ANKRD23: variants seen among roughly 807,000 people sequenced by gnomAD.
ANKRD23 encodes ankyrin repeat domain 23.
ANKRD23 carries 52 observed loss-of-function variants against 38.1 expected under a neutral mutation model. The observed-to-expected ratio is 1.36, with a 90% CI of 1.09 to 1.72. The LOEUF (loss-of-function observed/expected upper bound fraction) is 1.72, where lower values mean the gene tolerates loss of function less well. Ranked by LOEUF, ANKRD23 falls within the 40% of genes most tolerant of loss-of-function variation. The probability of loss-of-function intolerance (pLI) is 0.00; values close to 1 mark genes in which losing one functional copy is unlikely to be tolerated. For synonymous variants in ANKRD23, 167 were observed against 162.9 expected, an observed-to-expected ratio of 1.03 and a Z score of -0.19; for missense variants, 416 against 400.2, an observed-to-expected ratio of 1.04 and a Z score of -0.34.
At position 96,838,710 on chromosome 2, in the gene ANKRD23, C is replaced by T; in HGVS notation, c.*839G>A. 3.0e-6 allele frequency: 3 copies of T among 985,656 alleles called. No individual in the cohort carries two copies. Among genetic ancestry groups the T allele is most frequent in the Non-Finnish European group, 3.6e-6 (3 of 830,090 alleles). The allele number at this position is 985,656 out of a possible 1,614,324, so 61.1% of individuals were successfully genotyped here. On this transcript the variant is annotated 3_prime_UTR_variant, in exon 9 of 9. Transcript: ENST00000318357. ...TGGGCCACAAGCAATCCCCAGTGCC[C>T]AGGCGCTTCCCCATGAGAGCCGCCA...
chr2:96,840,905 G>A lies in ANKRD23; in HGVS notation c.308C>T (p.Ser103Phe), dbSNP rs200734536. ...RKPEPLVKPQ[S>F]QAQVEPVGLE... ...GCCCACAGGCTCCACCTGGGCCTGG[G>A]ACTGCGGCTGGTTCAGTTGAAGACA... is the stretch of plus-strand genomic sequence containing the variant. The change falls in exon 4 of 9, where the codon TCC becomes TTC. Residue 103 changes from serine to phenylalanine, a missense_variant. Physicochemically the swap from Ser to Phe is radical, Grantham distance 155. Coordinates refer to ENST00000318357, the MANE Select transcript of ANKRD23 (RefSeq NM_144994.8). 1.2e-6 allele frequency: 2 copies of A among 1,613,936 alleles called. No homozygotes were observed. Among genetic ancestry groups the A allele is most frequent in the East Asian group, 4.5e-5 (2 of 44,882 alleles).
At chr2:96,840,138 G>A (rs781421350) in intron 6 of ANKRD23, 43 bp from the exon 7 acceptor site, 2 of 1,548,950 alleles carry the variant, frequency 1.3e-6, no homozygotes, top group Non-Finnish European at 1.7e-6. Context: ...GATTGGTGAG[G>A]CCTCCCTAAC....
At position 96,840,222 on chromosome 2, in the gene ANKRD23, T is replaced by G; in HGVS notation, c.624+10A>C. On this transcript the variant is annotated intron_variant, in intron 6 of 8. Coordinates refer to ENST00000318357, the MANE Select transcript of ANKRD23 (RefSeq NM_144994.8). ...TTCCCGACAGGCCCCCAAAGCACCG[T>G]GCCCCTCACCTTGTCCCGGGCATTG... 1 of 1,607,928 alleles carries G rather than the reference T, an allele frequency of 6.2e-7. No individual in the cohort carries two copies. Among genetic ancestry groups the G allele is most frequent in the Non-Finnish European group, 8.5e-7 (1 of 1,176,856 alleles).
chr2:96,838,494 C>T lies in ANKRD23; in HGVS notation c.*1055G>A. 1.0e-6 allele frequency: 1 copy of T among 986,250 alleles called. No individual in the cohort carries two copies. The highest frequency in any genetic ancestry group is 1.2e-6 in the Non-Finnish European group (1 of 830,204). The allele number at this position is 986,250 out of a possible 1,614,324, so 61.1% of individuals were successfully genotyped here. A position where few individuals can be genotyped will look rare whatever the true frequency, so the allele number is the denominator to read the frequency against. On this transcript the variant is annotated 3_prime_UTR_variant, in exon 9 of 9. Coordinates refer to ENST00000318357, the MANE Select transcript of ANKRD23 (RefSeq NM_144994.8). ...GGGAAGGGCTGGGGGGCGGCGGGGG[C>T]TCACCTTCCTCTGCTTCCCTGTGGG...
At chr2:96,841,255 CTT>C (rs1205360528) in intron 3 of ANKRD23, 1 of 228,074 alleles carries the variant, frequency 4.4e-6, no homozygotes, top group South Asian at 6.8e-5. Flanking sequence ...ACCAATATGA[CTT>C]GTGTTAAAGT....
At position 96,838,722 on chromosome 2, in the gene ANKRD23, C is replaced by T. The variant is rs2079721185; in HGVS notation, c.*827G>A. The T allele has an allele frequency of 1.0e-6, 1 of 985,518 alleles. No individual in the cohort carries two copies. Among genetic ancestry groups the T allele is most frequent in the South Asian group, 4.7e-5 (1 of 21,298 alleles). 61.0% of individuals were successfully genotyped at this position (985,518 alleles called of 1,614,324 possible). On this transcript the variant is annotated 3_prime_UTR_variant, in exon 9 of 9. Transcript: ENST00000318357. ...AATCCCCAGTGCCCAGGCGCTTCCC[C>T]ATGAGAGCCGCCAGCAGGCAACGGT...
In ANKRD23 at chr2:96,842,424, C is replaced by T; in HGVS notation, c.115G>A (p.Gly39Ser). The stretch of plus-strand genomic sequence containing the variant: ...TCCCGGGCCACAGCCTCTTGGGGGC[C>T]CCTCCTCCAGTCACTAGGCCAGGCT... Reference protein sequence around the residue: ...PGAWPSDWRRGPQEAVAREKL... With the variant: ...PGAWPSDWRRSPQEAVAREKL... Residue 39 changes from glycine to serine, a missense_variant, in exon 2 of 9, where the codon GGC becomes AGC. Coordinates refer to ENST00000318357, the MANE Select transcript of ANKRD23 (RefSeq NM_144994.8). 1 of 1,613,936 alleles carries T rather than the reference C, an allele frequency of 6.2e-7. No homozygotes were observed. Among genetic ancestry groups the T allele is most frequent in the Non-Finnish European group, 8.5e-7 (1 of 1,180,006 alleles).
intron 7 of ANKRD23, 62 bp downstream of exon 7, chr2:96,839,935 G>A: frequency 6.5e-7 from 1 of 1,548,706 alleles, no homozygotes; most frequent in Non-Finnish European, 8.7e-7. Context: ...CCTGGCTGGG[G>A]CTCCTCAGTC....
At position 96,838,813 on chromosome 2, in the gene ANKRD23, C is replaced by T. The variant is rs1182139664; in HGVS notation, c.*736G>A. The T allele has an allele frequency of 2.0e-6, 2 of 985,576 alleles. No homozygotes were observed. Among genetic ancestry groups the T allele is most frequent in the Non-Finnish European group, 2.4e-6 (2 of 830,014 alleles). 61.1% of individuals were successfully genotyped at this position (985,576 alleles called of 1,614,324 possible). ...CGAGGCTTCTCTCAAATGCGCGCTC[C>T]AGCTCATCAGTCTTAGGGCTTCTGA... On this transcript the variant is annotated 3_prime_UTR_variant, in exon 9 of 9. Coordinates refer to ENST00000318357, the MANE Select transcript of ANKRD23 (RefSeq NM_144994.8).
In ANKRD23 at chr2:96,838,800, C is replaced by G. The variant is rs996370766; in HGVS notation, c.*749G>C. 9.1e-6 allele frequency: 9 copies of G among 985,558 alleles called. No homozygotes were observed. In the South Asian group the frequency reaches 3.3e-4, roughly 36 times the overall value. 61.1% of individuals were successfully genotyped at this position (985,558 alleles called of 1,614,324 possible). ...TACACAGTGGGTGCGAGGCTTCTCTCAAATGCGCGCTCCAGCTCATCAGTC... is the reference window on the plus strand; with the variant it reads ...TACACAGTGGGTGCGAGGCTTCTCTGAAATGCGCGCTCCAGCTCATCAGTC... On this transcript the variant is annotated 3_prime_UTR_variant, in exon 9 of 9. Coordinates refer to ENST00000318357, the MANE Select transcript of ANKRD23 (RefSeq NM_144994.8).
chr2:96,838,317 G>A lies in ANKRD23; in HGVS notation c.*1232C>T. ...CTCAGCATGTGGTTCTCAGTTTAGG[G>A]CAGAGCTTCTTAAGATTCACTTTCT... is the stretch of plus-strand genomic sequence containing the variant. On this transcript the variant is annotated 3_prime_UTR_variant, in exon 9 of 9. Coordinates refer to ENST00000318357, the MANE Select transcript of ANKRD23 (RefSeq NM_144994.8). The A allele has an allele frequency of 1.0e-5, 10 of 975,750 alleles. No individual in the cohort carries two copies. Among genetic ancestry groups the A allele is most frequent in the Non-Finnish European group, 1.2e-5 (10 of 819,008 alleles). 60.4% of individuals were successfully genotyped at this position (975,750 alleles called of 1,614,324 possible).
Position 96,843,954 on chromosome 2 carries a change from C to G in ANKRD23, c.27+12G>C, listed in dbSNP as rs574635171. 10 of 1,607,324 alleles carry G rather than the reference C, an allele frequency of 6.2e-6. No individual in the cohort carries two copies. The South Asian group carries it at 1.0e-4, about 16-fold the overall frequency. On this transcript the variant is annotated intron_variant, in intron 1 of 8. Transcript: ENST00000318357. ...TCCCAGGGTGCCTCCCACCTCCGTCCCACATCCTTACCAACTGCTGAATGC... is the reference window on the plus strand; with the variant it reads ...TCCCAGGGTGCCTCCCACCTCCGTCGCACATCCTTACCAACTGCTGAATGC...
intron 3 of ANKRD23, chr2:96,841,262 T>C: frequency 4.5e-6 from 1 of 223,458 alleles, no homozygotes; most frequent in Non-Finnish European, 8.9e-6. Flanking sequence ...TGACTTGTGT[T>C]AAAGTGGGCT....
At position 96,839,717 on chromosome 2, in the gene ANKRD23, CCA is replaced by C. The variant is rs769105015; in HGVS notation, c.822+8_822+9del. ...CTCGGGTCAGGAGCCAGGGCTGCGC[CCA>C]CACTCACCGCGTTCCGCACCCCCAG... On this transcript the variant is annotated splice_region_variant and intron_variant, in intron 8 of 8. Coordinates refer to ENST00000318357, the MANE Select transcript of ANKRD23 (RefSeq NM_144994.8). The C allele has an allele frequency of 3.7e-6, 6 of 1,612,322 alleles. No individual in the cohort carries two copies. The highest frequency in any genetic ancestry group is 4.5e-5 in the East Asian group (2 of 44,864).
chr2:96,839,745 C>T lies in ANKRD23; in HGVS notation c.804G>A (p.Glu268=). Residue 268 remains glutamate (E), a synonymous_variant, in exon 8 of 9, where the codon GAG becomes GAA. Coordinates refer to ENST00000318357, the MANE Select transcript of ANKRD23 (RefSeq NM_144994.8). The part of the protein sequence containing the change: ...AMKLLLLYGA[E]LGVRNAASVT... ...CACTCACCGCGTTCCGCACCCCCAG[C>T]TCGGCCCCATAGAGCAGCAGTAGCT... 1.2e-6 allele frequency: 2 copies of T among 1,613,308 alleles called. No homozygotes were observed. Among genetic ancestry groups the T allele is most frequent in the Non-Finnish European group, 1.7e-6 (2 of 1,179,930 alleles).
rs1306891671 is a variant in ANKRD23 at position 96,838,333 on chromosome 2, T to G, written c.*1216A>C. The G allele has an allele frequency of 1.0e-5, 10 of 985,164 alleles. No individual in the cohort carries two copies. The Admixed American group carries it at 6.1e-4, about 61-fold the overall frequency. 61.0% of individuals were successfully genotyped at this position (985,164 alleles called of 1,614,324 possible). ...CAGTTTAGGGCAGAGCTTCTTAAGA[T>G]TCACTTTCTGGCGTTTAGGGGCCCA... On this transcript the variant is annotated 3_prime_UTR_variant, in exon 9 of 9. Coordinates refer to ENST00000318357, the MANE Select transcript of ANKRD23 (RefSeq NM_144994.8).
rs1474553379 is a variant in ANKRD23 at position 96,839,007 on chromosome 2, G to C, written c.*542C>G. On this transcript the variant is annotated 3_prime_UTR_variant, in exon 9 of 9. Transcript: ENST00000318357. ...GACAGGAATGGGGTCCCCAGAGAAAGCCATGCCCACAGGCATCCACCAGCT... is the reference window on the plus strand; with the variant it reads ...GACAGGAATGGGGTCCCCAGAGAAACCCATGCCCACAGGCATCCACCAGCT... 1.0e-6 allele frequency: 1 copy of C among 985,806 alleles called. No individual in the cohort carries two copies. Among genetic ancestry groups the C allele is most frequent in the African/African-American group, 1.7e-5 (1 of 57,262 alleles). The allele number at this position is 985,806 out of a possible 1,614,324, so 61.1% of individuals were successfully genotyped here.
rs1180600185 is a variant in ANKRD23, at chr2:96,842,507, C to G, written c.32G>C (p.Ser11Thr). 6.2e-7 allele frequency: 1 copy of G among 1,613,234 alleles called. No individual in the cohort carries two copies. Among genetic ancestry groups the G allele is most frequent in the East Asian group, 2.2e-5 (1 of 44,886 alleles). The change falls in exon 2 of 9, where the codon AGT becomes ACT. Residue 11 changes from serine to threonine, a missense_variant. By Grantham distance (58) the Ser-to-Thr change is moderately conservative (BLOSUM62 1). Transcript: ENST00000318357. MDFISIQQLV[S>T]GERVEGKVLG... ...CACTTTCCCTTCAACTCTTTCTCCA[C>G]TTACCTGTAGGAACAGGATATGAGT...
chr2:96,840,486 C>T lies in ANKRD23; in HGVS notation c.455G>A (p.Cys152Tyr). Residue 152 changes from cysteine to tyrosine, a missense_variant, in exon 5 of 9, where the codon TGT (cysteine) becomes TAT (tyrosine). Physicochemically the swap from Cys to Tyr is radical, Grantham distance 194 (BLOSUM62 -2). Coordinates refer to ENST00000318357, the MANE Select transcript of ANKRD23 (RefSeq NM_144994.8). ...KLHRTALHWA[C>Y]LKGHSQLVNK... ...CACCAGCTGGCTGTGACCCTTCAGA[C>T]AGGCCCAGTGCAAGGCGGTGCGGTG... 6.2e-7 allele frequency: 1 copy of T among 1,614,034 alleles called. No homozygotes were observed. Among genetic ancestry groups the T allele is most frequent in the African/African-American group, 1.3e-5 (1 of 75,058 alleles).
Sources: gnomAD v4.1 joint callset for allele counts on GRCh38, gnomAD v4.1.1 for gene constraint, MANE v1.5 for transcripts, NCBI Gene and HGNC (gene_info 2026-07-23, HGNC 2026-07-21) for gene names.